RMND5A: variants seen among roughly 807,000 people sequenced by gnomAD.
RMND5A encodes the protein required for meiotic nuclear division 5 homolog A.
In RMND5A, 17 loss-of-function variants were observed where a neutral mutation model predicts 49.7. The observed-to-expected ratio is 0.34, with a 90% CI of 0.23 to 0.51. The LOEUF is 0.51. Among genes scored for constraint, RMND5A ranks in the 20% least tolerant of loss-of-function variants. The pLI is 0.96. For synonymous variants in RMND5A, 156 were observed against 167.7 expected, an observed-to-expected ratio of 0.93 and a Z score of 0.54; for missense variants, 255 against 471.3, an observed-to-expected ratio of 0.54 and a Z score of 4.25.
At chr2:86,751,010 T>C (rs114056677) in intron 2 of RMND5A, among the ~76,000 whole-genome samples, 1,933 of 152,310 alleles carry the variant, frequency 0.013, 47 homozygotes, top group African/African-American at 0.044. Context: ...ATGTTGGCAT[T>C]GGTGTCTGTT....
chr2:86,756,627 T>G (rs140288665), intron 4 of RMND5A, among the ~76,000 whole-genome samples: 1 of 152,218 alleles, frequency 6.6e-6, no homozygotes, highest in Admixed American at 6.5e-5. Flanking sequence ...AGATACTGAC[T>G]AAGCATCTTT....
chr2:86,772,277 A>G (rs919171679), intron 8 of RMND5A, among the ~76,000 whole-genome samples: 12 of 152,128 alleles, frequency 7.9e-5, no homozygotes, highest in African/African-American at 2.7e-4. Flanking sequence ...GTGAAATCCC[A>G]TCTCTACTAA....
chr2:86,764,352 C>A (rs1672556304), intron 4 of RMND5A, among the ~76,000 whole-genome samples: 1 of 152,174 alleles, frequency 6.6e-6, no homozygotes, highest in South Asian at 2.1e-4. Context: ...TTTGCCCTCA[C>A]CTGACTTGGT....
At chr2:86,762,954 C>T (rs916596510) in intron 4 of RMND5A, among the ~76,000 whole-genome samples, 2 of 150,542 alleles carry the variant, frequency 1.3e-5, no homozygotes, top group South Asian at 2.1e-4. Flanking sequence ...GCGGGAGAAT[C>T]GCTTGAGCCT....
At chr2:86,766,129 C>G in intron 6 of RMND5A, 105 bp downstream of exon 6, 1 of 1,037,138 alleles carries the variant, frequency 9.6e-7, no homozygotes, top group Non-Finnish European at 1.4e-6. Flanking sequence ...TTTTGTCTTT[C>G]CAAAGAAGAG....
At position 86,773,452 on chromosome 2, in the gene RMND5A, C is replaced by A; in HGVS notation, c.*41C>A. 1.6e-6 allele frequency: 2 copies of A among 1,268,316 alleles called. No individual in the cohort carries two copies. Among genetic ancestry groups the A allele is most frequent in the South Asian group, 2.4e-5 (2 of 83,582 alleles). 78.6% of individuals were successfully genotyped at this position (1,268,316 alleles called of 1,614,324 possible). A position where few individuals can be genotyped will look rare whatever the true frequency, so the allele number is the denominator to read the frequency against. ...TTGCAATTTGTAAGTGAAACTGAAT[C>A]GTGGGTGCATTTCAGAAGAGAACGT... On this transcript the variant is annotated 3_prime_UTR_variant, in exon 9 of 9. Coordinates refer to ENST00000283632, the MANE Select transcript of RMND5A (RefSeq NM_022780.4).
chr2:86,760,854 A>G (rs972650059), intron 4 of RMND5A, among the ~76,000 whole-genome samples: 26 of 152,204 alleles, frequency 1.7e-4, no homozygotes, highest in Admixed American at 1.6e-3. Context: ...CTGTCACTAT[A>G]AAGACGAGGG....
chr2:86,777,987 A>G lies in RMND5A; in HGVS notation c.*4576A>G, dbSNP rs1672798355. 6.6e-6 allele frequency: 1 copy of G among 152,224 alleles called. No individual in the cohort carries two copies. The highest frequency in any genetic ancestry group is 2.1e-4 in the South Asian group (1 of 4,834). 9.4% of individuals were successfully genotyped at this position (152,224 alleles called of 1,614,324 possible). On this transcript the variant is annotated 3_prime_UTR_variant, in exon 9 of 9. Transcript: ENST00000283632. ...ATGTGTGTATTCCTATGTAAAACAC[A>G]TGGCTTTTCCTGTGTATATTTTTAA... is the stretch of plus-strand genomic sequence containing the variant.
At chr2:86,742,526 T>C (rs1234997602) in intron 2 of RMND5A, among the ~76,000 whole-genome samples, 1 of 147,076 alleles carries the variant, frequency 6.8e-6, no homozygotes, top group Non-Finnish European at 1.5e-5. Context: ...TTAAGAACTG[T>C]GGGAGTGGTG....
intron 4 of RMND5A, among the ~76,000 whole-genome samples, chr2:86,754,052 TA>T (rs1181853537): frequency 6.6e-6 from 1 of 152,260 alleles, no homozygotes; most frequent in Non-Finnish European, 1.5e-5. Context: ...CTCTCATTGA[TA>T]AGAATTGTCT....
At chr2:86,767,124 C>T (rs751360950) in intron 6 of RMND5A, among the ~76,000 whole-genome samples, 8 of 152,048 alleles carry the variant, frequency 5.3e-5, no homozygotes, top group Non-Finnish European at 8.8e-5. Flanking sequence ...AGTGTAGTGG[C>T]GCAATCTCAG....
At chr2:86,758,236 G>A (rs923179036) in intron 4 of RMND5A, among the ~76,000 whole-genome samples, 1 of 152,128 alleles carries the variant, frequency 6.6e-6, no homozygotes, top group Non-Finnish European at 1.5e-5. Flanking sequence ...CTCCAAACAG[G>A]CAGCCACCAT....
chr2:86,745,145 C>A (rs990753807), intron 2 of RMND5A, among the ~76,000 whole-genome samples: 1 of 151,932 alleles, frequency 6.6e-6, no homozygotes, highest in Non-Finnish European at 1.5e-5. Flanking sequence ...TTAAAGTTTA[C>A]TTCCTAAGAA....
intron 2 of RMND5A, among the ~76,000 whole-genome samples, chr2:86,750,819 G>C (rs1394946279): frequency 1.4e-5 from 2 of 146,312 alleles, no homozygotes; most frequent in Admixed American, 1.4e-4. Context: ...GAATTCTATT[G>C]ATTTTCACTG....
chr2:86,766,035 T>C lies in RMND5A; in HGVS notation c.854+11T>C. 1 of 1,609,612 alleles carries C rather than the reference T, an allele frequency of 6.2e-7. No individual in the cohort carries two copies. The highest frequency in any genetic ancestry group is 8.5e-7 in the Non-Finnish European group (1 of 1,177,980). On this transcript the variant is annotated intron_variant, in intron 6 of 8. Coordinates refer to ENST00000283632, the MANE Select transcript of RMND5A (RefSeq NM_022780.4). The stretch of plus-strand genomic sequence containing the variant: ...CCCTCTCAGTGTCAGGTATGGAAAT[T>C]AGCCCTGTCTGTTATTGAAGTATGC...
In RMND5A at chr2:86,776,819, C is replaced by T. The variant is rs557894432; in HGVS notation, c.*3408C>T. 3.3e-5 allele frequency: 5 copies of T among 152,058 alleles called. No homozygotes were observed. The East Asian group carries it at 9.7e-4, about 29-fold the overall frequency. The allele number at this position is 152,058 out of a possible 1,614,324, so 9.4% of individuals were successfully genotyped here. A position where few individuals can be genotyped will look rare whatever the true frequency, so the allele number is the denominator to read the frequency against. Reference sequence around the variant, plus strand: ...ATAAGGTGACGACACAAACCAAATACCTTTCTTTCATCACTTAACTATACG... The same window carrying T: ...ATAAGGTGACGACACAAACCAAATATCTTTCTTTCATCACTTAACTATACG... On this transcript the variant is annotated 3_prime_UTR_variant, in exon 9 of 9. Transcript: ENST00000283632.
intron 6 of RMND5A, among the ~76,000 whole-genome samples, chr2:86,766,965 G>T (rs1415468284): frequency 6.6e-6 from 1 of 152,192 alleles, no homozygotes; most frequent in African/African-American, 2.4e-5. Context: ...TCAGTTTCAT[G>T]TCAAAGTATG....
rs1452230922 is a variant in RMND5A, at chr2:86,765,463, C to T, written c.688+270C>T. 2.5e-5 allele frequency: 9 copies of T among 365,672 alleles called. No individual in the cohort carries two copies. In the East Asian group the frequency reaches 4.7e-4, roughly 19 times the overall value. The allele number at this position is 365,672 out of a possible 1,614,324, so 22.7% of individuals were successfully genotyped here. A position where few individuals can be genotyped will look rare whatever the true frequency, so the allele number is the denominator to read the frequency against. On this transcript the variant is annotated intron_variant, in intron 5 of 8. Transcript: ENST00000283632. Reference sequence around the variant, plus strand: ...GTGTGCACTTGCTCTTTTCCACCCCCACCTGGCTGTATGCTGCTGCTCTTG... The same window carrying T: ...GTGTGCACTTGCTCTTTTCCACCCCTACCTGGCTGTATGCTGCTGCTCTTG...
rs1672744899 is a variant in RMND5A at position 86,775,120 on chromosome 2, T to A, written c.*1709T>A. ...TGGCCCCATAGCGACTTTTGCCCCA[T>A]GATTCTGCTTCACTGTTGGAATCCT... On this transcript the variant is annotated 3_prime_UTR_variant, in exon 9 of 9. Coordinates refer to ENST00000283632, the MANE Select transcript of RMND5A (RefSeq NM_022780.4). 1 of 152,494 alleles carries A rather than the reference T, an allele frequency of 6.6e-6. No individual in the cohort carries two copies. Among genetic ancestry groups the A allele is most frequent in the South Asian group, 2.1e-4 (1 of 4,834 alleles). 9.4% of individuals were successfully genotyped at this position (152,494 alleles called of 1,614,324 possible). A position where few individuals can be genotyped will look rare whatever the true frequency, so the allele number is the denominator to read the frequency against.
Sources: allele counts gnomAD v4.1 joint callset (sites outside exome capture counted in the v4.1 genomes callset), GRCh38; gene constraint gnomAD v4.1.1; transcripts MANE v1.5; gene names NCBI Gene and HGNC (gene_info 2026-07-23, HGNC 2026-07-21).